DRD2: variants seen among roughly 807,000 people sequenced by gnomAD.
DRD2 encodes the protein dopamine receptor D2.
In DRD2, 8 loss-of-function variants were observed where a neutral mutation model predicts 38.0. The observed-to-expected ratio is 0.21, with a 90% CI of 0.12 to 0.38. The LOEUF (loss-of-function observed/expected upper bound fraction) is 0.38, where lower values mean the gene tolerates loss of function less well. Ranked by LOEUF, DRD2 falls within the 10% of genes least tolerant of loss-of-function variation. DRD2 has a pLI of 1.00. For synonymous variants in DRD2, 230 were observed against 238.6 expected (o/e 0.96, Z 0.33); for missense variants, 403 against 607.7 (o/e 0.66, Z 3.54).
chr11:113,421,415 T>G (rs976567036), intron 2 of DRD2, among the ~76,000 whole-genome samples: 1 of 152,196 alleles, frequency 6.6e-6, no homozygotes, highest in Non-Finnish European at 1.5e-5. Context: ...TGAATAACTC[T>G]GAGATATTTG....
At chr11:113,461,758 C>A (rs1401531249) in intron 1 of DRD2, among the ~76,000 whole-genome samples, 1 of 152,186 alleles carries the variant, frequency 6.6e-6, no homozygotes, top group Non-Finnish European at 1.5e-5. Context: ...GTAGAATGAA[C>A]ATTGAGTAAA....
rs193097547 is a variant in DRD2, at chr11:113,467,744, G to A, written c.-32+7332C>T. On this transcript the variant is annotated intron_variant, in intron 1 of 7. Coordinates refer to ENST00000362072, the MANE Select transcript of DRD2 (RefSeq NM_000795.4). Reference sequence around the variant, plus strand: ...TTAGGCCATGAAAAGCTATCACCAGGATAACTTATGCCTCTTCCTAGCTCA... The same window carrying A: ...TTAGGCCATGAAAAGCTATCACCAGAATAACTTATGCCTCTTCCTAGCTCA... Among the ~76,000 whole-genome samples the A allele has an allele frequency of 1.8e-3, 272 of 152,306 alleles. 2 individuals are homozygous for A. The highest frequency in any genetic ancestry group is 2.6e-3 in the Non-Finnish European group (177 of 68,038).
chr11:113,426,399 C>T (rs1950942010), intron 1 of DRD2, among the ~76,000 whole-genome samples: 1 of 152,138 alleles, frequency 6.6e-6, no homozygotes, highest in Admixed American at 6.5e-5. Context: ...ATATAGTTGG[C>T]TTTTCAGCTA....
chr11:113,472,320 G>C (rs560756768), intron 1 of DRD2, among the ~76,000 whole-genome samples: 1 of 152,124 alleles, frequency 6.6e-6, no homozygotes, highest in Admixed American at 6.5e-5. Context: ...CCTTATACTT[G>C]TTTATTCAGA....
chr11:113,468,616 T>C (rs895959844), intron 1 of DRD2, among the ~76,000 whole-genome samples: 1 of 152,176 alleles, frequency 6.6e-6, no homozygotes, highest in Non-Finnish European at 1.5e-5. Context: ...GGCACGATAC[T>C]GGCTCACTGC....
chr11:113,452,901 C>T (rs1368405779), intron 1 of DRD2, among the ~76,000 whole-genome samples: 9 of 152,062 alleles, frequency 5.9e-5, no homozygotes, highest in African/African-American at 1.9e-4. Flanking sequence ...ATCTACCCGC[C>T]TCGGCCTCCC....
At chr11:113,414,515 A>C in intron 5 of DRD2, 54 bp from the exon 6 acceptor site, 1 of 1,586,284 alleles carries the variant, frequency 6.3e-7, no homozygotes, top group Admixed American at 1.7e-5. Context: ...TGGAGGGGGG[A>C]CAGAAACCCA....
intron 7 of DRD2, 38 bp from the exon 8 acceptor site, chr11:113,410,958 C>A (rs755101642): frequency 1.3e-6 from 2 of 1,583,196 alleles, no homozygotes; most frequent in African/African-American, 2.7e-5. Flanking sequence ...TCCCCAGAGC[C>A]GGGGAGGCAC....
intron 2 of DRD2, among the ~76,000 whole-genome samples, chr11:113,420,721 C>A (rs1950877104): frequency 6.6e-6 from 1 of 152,144 alleles, no homozygotes; most frequent in Non-Finnish European, 1.5e-5. Flanking sequence ...AATTAGGTGA[C>A]AAGTACTTGG....
At position 113,412,978 on chromosome 11, in the gene DRD2, C is replaced by T. The variant is rs374671490; in HGVS notation, c.811-95G>A. On this transcript the variant is annotated intron_variant, in intron 6 of 7. Transcript: ENST00000362072. ...GCCCCTCCCTTTCCCCCTCTGAAGA[C>T]TCCTGCAAACACCACAGGGTCACCC... 1,918 of 1,359,482 alleles carry T rather than the reference C, an allele frequency of 1.4e-3. 39 individuals are homozygous for T. The South Asian group carries it at 0.024, about 17-fold the overall frequency. The allele number at this position is 1,359,482 out of a possible 1,614,324, so 84.2% of individuals were successfully genotyped here.
rs534561875 is a variant in DRD2, at chr11:113,437,477, G to T, written c.-31-12795C>A. 2.0e-5 allele frequency among the ~76,000 whole-genome samples: 3 copies of T among 152,300 alleles called. No individual in the cohort carries two copies. The East Asian group carries it at 5.8e-4, about 29-fold the overall frequency. ...CTTCTCATATAATTATATGAGGGAAGAATTATATGAGCCTTATAAAGAGGG... is the reference window on the plus strand; with the variant it reads ...CTTCTCATATAATTATATGAGGGAATAATTATATGAGCCTTATAAAGAGGG... On this transcript the variant is annotated intron_variant, in intron 1 of 7. Transcript: ENST00000362072.
Position 113,467,433 on chromosome 11 carries a change from A to G in DRD2, c.-32+7643T>C, listed in dbSNP as rs369104084. Among the ~76,000 whole-genome samples the G allele has an allele frequency of 3.2e-4, 48 of 152,214 alleles. No homozygotes were observed. The South Asian group carries it at 1.0e-2, about 32-fold the overall frequency. On this transcript the variant is annotated intron_variant, in intron 1 of 7. Transcript: ENST00000362072. Reference sequence around the variant, plus strand: ...CCTTTCTCAGGCAGGACCATACTTCACCTAAAAACATGATAGCATTTGCTC... The same window carrying G: ...CCTTTCTCAGGCAGGACCATACTTCGCCTAAAAACATGATAGCATTTGCTC...
chr11:113,454,159 A>G (rs1217710037), intron 1 of DRD2, among the ~76,000 whole-genome samples: 3 of 152,126 alleles, frequency 2.0e-5, no homozygotes, highest in African/African-American at 7.2e-5. Flanking sequence ...AATGCTTCAA[A>G]TTAGAGCATT....
At chr11:113,428,442 A>G (rs566230294) in intron 1 of DRD2, among the ~76,000 whole-genome samples, 50 of 152,192 alleles carry the variant, frequency 3.3e-4, no homozygotes, top group Non-Finnish European at 6.8e-4. Flanking sequence ...GCAGTGGGCA[A>G]TTGCCAAAAA....
In DRD2 at chr11:113,467,864, C is replaced by T. The variant is rs146052629; in HGVS notation, c.-32+7212G>A. Among the ~76,000 whole-genome samples, 90 of 152,288 alleles carry T rather than the reference C, an allele frequency of 5.9e-4. No homozygotes were observed. In the East Asian group the frequency reaches 0.016, roughly 27 times the overall value. ...TCTCGCTCAAAATGAGCAAGAGCTG[C>T]TGACAGGTGAAAGCCAAAGAATTTT... On this transcript the variant is annotated intron_variant, in intron 1 of 7. Coordinates refer to ENST00000362072, the MANE Select transcript of DRD2 (RefSeq NM_000795.4).
intron 1 of DRD2, among the ~76,000 whole-genome samples, chr11:113,436,500 G>A (rs1210954731): frequency 2.0e-5 from 3 of 152,116 alleles, no homozygotes; most frequent in Non-Finnish European, 4.4e-5. Flanking sequence ...ATGATATTCA[G>A]AATTATTGAT....
intron 1 of DRD2, among the ~76,000 whole-genome samples, chr11:113,449,541 A>C (rs1208596305): frequency 6.6e-6 from 1 of 152,118 alleles, no homozygotes. Context: ...AGGCTTGGAA[A>C]AGCATAATGC....
intron 1 of DRD2, among the ~76,000 whole-genome samples, chr11:113,431,477 G>A (rs1441206180): frequency 6.6e-6 from 1 of 152,156 alleles, no homozygotes; most frequent in Admixed American, 6.5e-5. Context: ...CAAGCTACTG[G>A]TCATCAAAGA....
chr11:113,414,341 G>C, intron 6 of DRD2, 34 bp downstream of exon 6: 1 of 1,601,254 alleles, frequency 6.2e-7, no homozygotes, highest in East Asian at 2.2e-5. Flanking sequence ...GGGGCAGAAA[G>C]ACCTGGCTCT....
Sources: gnomAD v4.1 joint callset for allele counts (sites outside exome capture counted in the v4.1 genomes callset) on GRCh38, gnomAD v4.1.1 for gene constraint, MANE v1.5 for transcripts, NCBI Gene and HGNC (gene_info 2026-07-23, HGNC 2026-07-21) for gene names.